PSMA6: variants seen among roughly 807,000 people sequenced by gnomAD.
PSMA6 encodes proteasome subunit alpha type-6.
For synonymous variants in PSMA6, 88 were observed against 97.7 expected, an observed-to-expected ratio of 0.90 and a Z score of 0.59; for missense variants, 170 against 294.8, an observed-to-expected ratio of 0.58 and a Z score of 3.10.
chr14:35,314,260 A>G, intron 5 of PSMA6, 101 bp from the exon 6 acceptor site: 9 of 1,285,546 alleles, frequency 7.0e-6, no homozygotes, highest in Non-Finnish European at 9.1e-6. Flanking sequence ...TCATTGAAAC[A>G]TGGAGCTCCT....
upstream of PSMA6, among the ~76,000 whole-genome samples, chr14:35,290,860 G>A (rs2138709978): frequency 6.6e-6 from 1 of 152,238 alleles, no homozygotes; most frequent in South Asian, 2.1e-4. Flanking sequence ...GAGCTACCTC[G>A]CCAGCTTGGA....
In PSMA6 at chr14:35,298,009, C is replaced by T. The variant is rs1594381610; in HGVS notation, c.76+5457C>T. ...GTTTGAGCAAGGAAGCAATTTACTT[C>T]CTAACCTAATGGTTTGTTGTTGGGT... On this transcript the variant is annotated intron_variant, in intron 1 of 6. Coordinates refer to ENST00000261479, the MANE Select transcript of PSMA6 (RefSeq NM_002791.3). Among the ~76,000 whole-genome samples the T allele has an allele frequency of 2.0e-5, 3 of 152,262 alleles. No individual in the cohort carries two copies. The Middle Eastern group carries it at 0.01, about 518-fold the overall frequency.
chr14:35,291,660 C>T (rs2051482651), upstream of PSMA6, among the ~76,000 whole-genome samples: 1 of 151,870 alleles, frequency 6.6e-6, no homozygotes, highest in Non-Finnish European at 1.5e-5. Context: ...CCCGCCTCTA[C>T]TAAAAATACA....
chr14:35,306,529 C>A (rs1289208346), intron 1 of PSMA6, among the ~76,000 whole-genome samples: 1 of 151,982 alleles, frequency 6.6e-6, no homozygotes, highest in Admixed American at 6.6e-5. Context: ...CATGGTGAAA[C>A]CCTGTCTTTA....
intron 1 of PSMA6, among the ~76,000 whole-genome samples, chr14:35,299,660 C>G (rs1220099633): frequency 6.6e-6 from 1 of 152,118 alleles, no homozygotes; most frequent in Non-Finnish European, 1.5e-5. Context: ...CATAGGTTGT[C>G]CGTATCTGCT....
chr14:35,308,969 T>C lies in PSMA6; in HGVS notation c.227T>C (p.Ile76Thr), dbSNP rs912806647. ...VTHLFKITEN[I>T]GCVMTGMTAD... ...CACTTATTCAAGATAACTGAAAACATTGGTTGTGTGATGACCGGAATGACA... is the reference window on the plus strand; with the variant it reads ...CACTTATTCAAGATAACTGAAAACACTGGTTGTGTGATGACCGGAATGACA... Residue 76 changes from isoleucine (I) to threonine (T), a missense_variant, in exon 3 of 7, where the codon ATT (isoleucine) becomes ACT (threonine). Physicochemically the swap from Ile to Thr is moderately conservative, Grantham distance 89 (BLOSUM62 -1). Coordinates refer to ENST00000261479, the MANE Select transcript of PSMA6 (RefSeq NM_002791.3). 5.0e-6 allele frequency: 8 copies of C among 1,610,026 alleles called. No homozygotes were observed. The African/African-American group carries it at 5.3e-5, about 11-fold the overall frequency.
intron 1 of PSMA6, among the ~76,000 whole-genome samples, chr14:35,286,279 C>G (rs900521753): frequency 5.9e-5 from 9 of 152,200 alleles, no homozygotes; most frequent in Admixed American, 1.3e-4. Context: ...TCCCACCCTT[C>G]CCCATCTTAT....
chr14:35,289,622 T>TG (rs1335027925), upstream of PSMA6, among the ~76,000 whole-genome samples: 1 of 151,926 alleles, frequency 6.6e-6, no homozygotes, highest in Non-Finnish European at 1.5e-5. Flanking sequence ...TTACAGGTGT[T>TG]GCACCACGCC....
At chr14:35,293,830 A>G (rs1304987114) in intron 1 of PSMA6, among the ~76,000 whole-genome samples, 1 of 152,194 alleles carries the variant, frequency 6.6e-6, no homozygotes, top group Non-Finnish European at 1.5e-5. Context: ...TCCATTCGTG[A>G]TTTTTAATAT....
At chr14:35,311,073 G>A (rs2138751741) in intron 4 of PSMA6, 178 bp downstream of exon 4, 2 of 571,594 alleles carry the variant, frequency 3.5e-6, no homozygotes, top group East Asian at 6.3e-5. Context: ...CAGTATGTCG[G>A]GCATTATCTT....
At chr14:35,297,441 T>C (rs537851132) in intron 1 of PSMA6, among the ~76,000 whole-genome samples, 2 of 152,228 alleles carry the variant, frequency 1.3e-5, no homozygotes, top group African/African-American at 4.8e-5. Context: ...GGTCTCAGTC[T>C]CCTGACCTCG....
upstream of PSMA6, chr14:35,292,317 G>C (rs1364319415): frequency 2.1e-6 from 3 of 1,461,056 alleles, no homozygotes; most frequent in Non-Finnish European, 2.7e-6. Flanking sequence ...AGAGCTCAGT[G>C]CTCGAACTGG....
At chr14:35,278,568 T>C, upstream of PSMA6, 1 of 804,894 alleles carries the variant, frequency 1.2e-6, no homozygotes, top group Admixed American at 2.3e-5. Flanking sequence ...AGAATGTCAG[T>C]ATCCAATAGG....
intron 1 of PSMA6, among the ~76,000 whole-genome samples, chr14:35,296,755 T>C (rs1190243836): frequency 6.6e-6 from 1 of 152,206 alleles, no homozygotes; most frequent in Non-Finnish European, 1.5e-5. Context: ...TTAAAAAATA[T>C]TCTTATTTCA....
chr14:35,297,132 T>G (rs1440114374), intron 1 of PSMA6, among the ~76,000 whole-genome samples: 5 of 149,404 alleles, frequency 3.3e-5, no homozygotes, highest in Non-Finnish European at 5.9e-5. Context: ...TTTTTTTTTT[T>G]TTTTTTTTTT....
chr14:35,299,457 G>A (rs1221932847), intron 1 of PSMA6, among the ~76,000 whole-genome samples: 1 of 151,116 alleles, frequency 6.6e-6, no homozygotes, highest in Non-Finnish European at 1.5e-5. Flanking sequence ...CAATAGCTGG[G>A]ATTACAGGCG....
At chr14:35,296,586 C>T (rs1265631114) in intron 1 of PSMA6, among the ~76,000 whole-genome samples, 3 of 152,100 alleles carry the variant, frequency 2.0e-5, no homozygotes. Flanking sequence ...ACCTCGGCCT[C>T]CCAAAGTTCT....
chr14:35,298,680 TATC>T (rs2051646250), intron 1 of PSMA6, among the ~76,000 whole-genome samples: 1 of 152,024 alleles, frequency 6.6e-6, no homozygotes, highest in Non-Finnish European at 1.5e-5. Context: ...AAAAAATAAA[TATC>T]ATTTTAAAAT....
At chr14:35,298,252 G>A (rs2051636685) in intron 1 of PSMA6, among the ~76,000 whole-genome samples, 1 of 152,236 alleles carries the variant, frequency 6.6e-6, no homozygotes, top group Admixed American at 6.5e-5. Context: ...CACTTTGGGA[G>A]GCCGAGGCAG....
Sources: allele counts gnomAD v4.1 joint callset (sites outside exome capture counted in the v4.1 genomes callset), GRCh38; gene constraint gnomAD v4.1.1; transcripts MANE v1.5; gene names NCBI Gene and HGNC (gene_info 2026-07-23, HGNC 2026-07-21).